CNTLN: variants seen among roughly 807,000 people sequenced by gnomAD.
CNTLN encodes the protein centlein, centrosomal protein.
In CNTLN, 212 loss-of-function variants were observed where a neutral mutation model predicts 180.0. The ratio of observed to expected loss-of-function variants is 1.18; its 90% CI spans 1.05 to 1.32. The LOEUF is 1.32. CNTLN is among the 40% of genes most tolerant of loss of function. The pLI is 0.00. For missense variants in CNTLN, 2,095 were observed against 1,610.9 expected, an observed-to-expected ratio of 1.30 and a Z score of -5.14; for synonymous variants, 722 against 563.1, an observed-to-expected ratio of 1.28 and a Z score of -3.99.
chr9:17,490,317 A>G (rs975097107), intron 25 of CNTLN, among the ~76,000 whole-genome samples: 2 of 152,062 alleles, frequency 1.3e-5, no homozygotes, highest in Non-Finnish European at 2.9e-5. Context: ...CTACATTCTA[A>G]TGAGTGAATA....
intron 13 of CNTLN, among the ~76,000 whole-genome samples, chr9:17,375,575 A>C (rs983663471): frequency 6.6e-6 from 1 of 152,130 alleles, no homozygotes; most frequent in East Asian, 1.9e-4. Context: ...CATTTTTATT[A>C]TTCATTGATA....
At chr9:17,348,532 CTTTT>C (rs35021719) in intron 12 of CNTLN, among the ~76,000 whole-genome samples, 9 of 140,996 alleles carry the variant, frequency 6.4e-5, no homozygotes, top group Admixed American at 5.0e-4. Flanking sequence ...TTCTTTCTTT[CTTTT>C]TTTTTTTTTT....
intron 2 of CNTLN, among the ~76,000 whole-genome samples, chr9:17,216,518 C>T (rs113747988): frequency 2.6e-5 from 4 of 152,146 alleles, no homozygotes; most frequent in South Asian, 4.1e-4. Flanking sequence ...TTTATTGATA[C>T]ATTTATCAAG....
chr9:17,208,227 TC>T (rs1823056955), intron 2 of CNTLN, among the ~76,000 whole-genome samples: 1 of 152,202 alleles, frequency 6.6e-6, no homozygotes, highest in Non-Finnish European at 1.5e-5. Flanking sequence ...ATTGAAATGA[TC>T]ATGTGGTTTT....
At chr9:17,407,923 C>T (rs184057283) in intron 15 of CNTLN, among the ~76,000 whole-genome samples, 21 of 151,440 alleles carry the variant, frequency 1.4e-4, no homozygotes, top group African/African-American at 4.4e-4. Context: ...GTCAGGAGTT[C>T]GAGACCAGCC....
At chr9:17,282,799 T>A (rs1828745616) in intron 6 of CNTLN, among the ~76,000 whole-genome samples, 1 of 152,214 alleles carries the variant, frequency 6.6e-6, no homozygotes, top group African/African-American at 2.4e-5. Context: ...TTCAGTTTTC[T>A]CCTTATGGCT....
chr9:17,268,883 C>G (rs992520050), intron 5 of CNTLN, among the ~76,000 whole-genome samples: 3 of 151,822 alleles, frequency 2.0e-5, no homozygotes, highest in Non-Finnish European at 2.9e-5. Context: ...TTAATCCCGT[C>G]AGAAAAGTGC....
At chr9:17,336,903 A>G (rs1821080368) in intron 10 of CNTLN, among the ~76,000 whole-genome samples, 1 of 152,078 alleles carries the variant, frequency 6.6e-6, no homozygotes, top group African/African-American at 2.4e-5. Context: ...GTCTTCCACA[A>G]TGGTTGAACT....
Position 17,244,571 on chromosome 9 carries a change from A to G in CNTLN, c.849+7983A>G, listed in dbSNP as rs555275106. On this transcript the variant is annotated intron_variant, in intron 5 of 25. Transcript: ENST00000380647. Reference sequence around the variant, plus strand: ...ATTGAGTCTTGCTTTTTAAAAATATATATACGTGGAGAGTTTGGTCTGTTT... The same window carrying G: ...ATTGAGTCTTGCTTTTTAAAAATATGTATACGTGGAGAGTTTGGTCTGTTT... Among the ~76,000 whole-genome samples, 43 of 152,142 alleles carry G rather than the reference A, an allele frequency of 2.8e-4. 1 individual carries two copies. The highest frequency in any genetic ancestry group is 1.0e-3 in the African/African-American group (42 of 41,492).
the CNTLN span, among the ~76,000 whole-genome samples, chr9:17,526,541 T>A: frequency 6.6e-6 from 1 of 152,170 alleles, no homozygotes; most frequent in Admixed American, 6.5e-5. Context: ...TTGATAAGAC[T>A]GATACAATAA....
intron 25 of CNTLN, among the ~76,000 whole-genome samples, chr9:17,494,486 C>T (rs1190132858): frequency 1.3e-5 from 2 of 152,018 alleles, no homozygotes; most frequent in African/African-American, 4.8e-5. Context: ...AGCCTAGTAG[C>T]CAATAGTTAT....
At chr9:17,515,629 C>T in the CNTLN span, among the ~76,000 whole-genome samples, 16 of 152,220 alleles carry the variant, frequency 1.1e-4, no homozygotes, top group Non-Finnish European at 1.8e-4. Context: ...ATCATCCTGT[C>T]TCCTCTTTTT....
At chr9:17,232,381 C>G (rs962308750) in intron 3 of CNTLN, among the ~76,000 whole-genome samples, 2 of 151,700 alleles carry the variant, frequency 1.3e-5, no homozygotes, top group Admixed American at 1.3e-4. Flanking sequence ...TGTGTTTGTC[C>G]TTTTGAATTA....
intron 5 of CNTLN, among the ~76,000 whole-genome samples, chr9:17,244,257 A>T (rs1471040709): frequency 1.3e-5 from 2 of 150,406 alleles, no homozygotes; most frequent in Non-Finnish European, 3.0e-5. Context: ...TGTCACCCAG[A>T]CTGGAGTGCA....
chr9:17,508,047 A>T (rs1380632937), downstream of CNTLN, among the ~76,000 whole-genome samples: 1 of 152,164 alleles, frequency 6.6e-6, no homozygotes, highest in Non-Finnish European at 1.5e-5. Flanking sequence ...AGTCACCCAG[A>T]GAGAAGTATT....
intron 15 of CNTLN, among the ~76,000 whole-genome samples, chr9:17,408,936 A>G (rs1252330042): frequency 1.3e-5 from 2 of 152,214 alleles, no homozygotes; most frequent in Non-Finnish European, 2.9e-5. Flanking sequence ...CAGGTGAAGG[A>G]AAAACTTTGT....
intron 2 of CNTLN, chr9:17,166,871 A>T (rs1322249011): frequency 2.2e-6 from 1 of 460,638 alleles, no homozygotes; most frequent in Non-Finnish European, 4.5e-6. Context: ...AAAAAAGATA[A>T]AAAGTTGGGA....
At chr9:17,317,271 G>A (rs143014941) in intron 8 of CNTLN, among the ~76,000 whole-genome samples, 11 of 152,112 alleles carry the variant, frequency 7.2e-5, no homozygotes, top group Non-Finnish European at 1.5e-5. Context: ...TACATTTTAT[G>A]GACAGTTTAA....
intron 12 of CNTLN, among the ~76,000 whole-genome samples, chr9:17,363,587 C>T (rs1222339495): frequency 1.3e-5 from 2 of 150,838 alleles, no homozygotes; most frequent in Non-Finnish European, 3.0e-5. Flanking sequence ...GAAATTATAA[C>T]ATACATCATT....
Sources: allele counts gnomAD v4.1 joint callset (sites outside exome capture counted in the v4.1 genomes callset), GRCh38; gene constraint gnomAD v4.1.1; transcripts MANE v1.5; gene names NCBI Gene and HGNC (gene_info 2026-07-23, HGNC 2026-07-21).